ZNF407: variants seen among roughly 807,000 people sequenced by gnomAD.
ZNF407 encodes zinc finger protein 407.
Under a neutral mutation model 131.2 loss-of-function variants are expected in ZNF407, and 17 were observed. The ratio of observed to expected loss-of-function variants is 0.13; its 90% confidence interval spans 0.09 to 0.19. The LOEUF (loss-of-function observed/expected upper bound fraction) is 0.19. ZNF407 is among the 10% of genes least tolerant of loss of function. The pLI is 1.00. For missense variants in ZNF407, 2,681 were observed against 2,830.6 expected (o/e 0.95, Z 1.20); for synonymous variants, 1,156 against 1,062.0 (o/e 1.09, Z -1.72).
chr18:74,715,974 A>G (rs1430314262), intron 3 of ZNF407, among the ~76,000 whole-genome samples: 2 of 152,184 alleles, frequency 1.3e-5, no homozygotes, highest in South Asian at 4.1e-4. Context: ...ATTGCTGTCC[A>G]TTATTTCCCA....
At chr18:74,606,225 A>G (rs1318479765) in intron 1 of ZNF407, among the ~76,000 whole-genome samples, 1 of 152,110 alleles carries the variant, frequency 6.6e-6, no homozygotes, top group Non-Finnish European at 1.5e-5. Context: ...AAAATTTGGA[A>G]ATCTGCTATG....
At chr18:74,603,841 T>G (rs1331657706) in intron 1 of ZNF407, among the ~76,000 whole-genome samples, 1 of 152,228 alleles carries the variant, frequency 6.6e-6, no homozygotes, top group African/African-American at 2.4e-5. Context: ...CAGTGTTACC[T>G]CAACTATGTA....
intron 4 of ZNF407, among the ~76,000 whole-genome samples, chr18:74,832,385 G>C (rs1055375598): frequency 2.0e-5 from 3 of 152,078 alleles, no homozygotes; most frequent in Non-Finnish European, 4.4e-5. Context: ...GAAGCAACCT[G>C]AGAGTAACTA....
At chr18:74,764,160 A>T (rs913103128) in intron 3 of ZNF407, among the ~76,000 whole-genome samples, 1 of 151,266 alleles carries the variant, frequency 6.6e-6, no homozygotes, top group Non-Finnish European at 1.5e-5. Context: ...TACACTTGGA[A>T]TTTTTTTGCC....
chr18:75,012,266 GTGTA>G (rs879739712), intron 8 of ZNF407, among the ~76,000 whole-genome samples: 18,555 of 150,468 alleles, frequency 0.12, 2,000 homozygotes, highest in Admixed American at 0.22. Flanking sequence ...TATACACATA[GTGTA>G]TGTACACATA....
chr18:75,044,267 C>T (rs138999609), intron 8 of ZNF407, among the ~76,000 whole-genome samples: 57 of 151,848 alleles, frequency 3.8e-4, no homozygotes, highest in African/African-American at 1.3e-3. Context: ...TGAAAAAAAA[C>T]ACTATATTCA....
At position 75,049,347 on chromosome 18, in the gene ZNF407, G is replaced by T. The variant is rs561003515; in HGVS notation, c.5429-13803G>T. ...CAGCGCAGCCTCCTGCTCTGGCAGG[G>T]TTTCACTAACATAGCCTGGGATCAT... On this transcript the variant is annotated intron_variant, in intron 8 of 8. Coordinates refer to ENST00000299687, the MANE Select transcript of ZNF407 (RefSeq NM_017757.3). Among the ~76,000 whole-genome samples the T allele has an allele frequency of 3.3e-5, 5 of 152,246 alleles. No homozygotes were observed. The East Asian group carries it at 9.7e-4, about 29-fold the overall frequency.
rs1276122153 is a variant in ZNF407 at position 74,772,086 on chromosome 18, AC to A, written c.4803-9341del. 2.6e-5 allele frequency among the ~76,000 whole-genome samples: 4 copies of A among 152,282 alleles called. No individual in the cohort carries two copies. In the East Asian group the frequency reaches 7.7e-4, roughly 29 times the overall value. On this transcript the variant is annotated intron_variant, in intron 3 of 8. Transcript: ENST00000299687. ...ATAAAGGTCACCAGGCATGAATTCT[AC>A]TTTTGCATTTTCAGCTTCTTTGCCC...
intron 8 of ZNF407, among the ~76,000 whole-genome samples, chr18:75,015,179 T>G (rs1973028438): frequency 6.6e-6 from 1 of 152,114 alleles, no homozygotes; most frequent in South Asian, 2.1e-4. Flanking sequence ...AAGAATAGAC[T>G]TTTAAAGTAG....
At chr18:74,682,605 C>T (rs1967010225) in intron 3 of ZNF407, among the ~76,000 whole-genome samples, 1 of 152,164 alleles carries the variant, frequency 6.6e-6, no homozygotes, top group Non-Finnish European at 1.5e-5. Context: ...TCACAGCTTA[C>T]TGCAACTGAG....
Position 74,777,194 on chromosome 18 carries a change from T to C in ZNF407, c.4803-4234T>C, listed in dbSNP as rs543310708. The stretch of plus-strand genomic sequence containing the variant: ...TTATATGGTATGTAGTGTACAAGAA[T>C]TTATTTTGAAATATTGTTAAAATAA... On this transcript the variant is annotated intron_variant, in intron 3 of 8. Transcript: ENST00000299687. Among the ~76,000 whole-genome samples the C allele has an allele frequency of 2.1e-4, 32 of 152,316 alleles. 1 individual carries two copies. Among genetic ancestry groups the C allele is most frequent in the South Asian group, 1.0e-3 (5 of 4,832 alleles).
At chr18:74,758,703 G>T (rs1969021827) in intron 3 of ZNF407, among the ~76,000 whole-genome samples, 2 of 152,102 alleles carry the variant, frequency 1.3e-5, no homozygotes, top group African/African-American at 2.4e-5. Flanking sequence ...CGATTCTCCT[G>T]CCTCAGCCTT....
chr18:74,815,168 A>G (rs990464019), intron 4 of ZNF407, among the ~76,000 whole-genome samples: 15 of 152,138 alleles, frequency 9.9e-5, no homozygotes, highest in Admixed American at 8.5e-4. Flanking sequence ...AATTAGGGTT[A>G]TTAATTCTAT....
At chr18:74,637,767 G>A (rs1394893473) in intron 2 of ZNF407, among the ~76,000 whole-genome samples, 2 of 152,118 alleles carry the variant, frequency 1.3e-5, no homozygotes, top group Non-Finnish European at 2.9e-5. Flanking sequence ...CTGGAAAAGA[G>A]CTTACTCTTC....
At chr18:74,769,339 G>C (rs1599139148) in intron 3 of ZNF407, among the ~76,000 whole-genome samples, 1 of 151,954 alleles carries the variant, frequency 6.6e-6, no homozygotes, top group African/African-American at 2.4e-5. Context: ...TTAACAGAAG[G>C]CCCCACCAAT....
intron 8 of ZNF407, among the ~76,000 whole-genome samples, chr18:74,939,067 G>A (rs1972069911): frequency 6.6e-6 from 1 of 152,024 alleles, no homozygotes. Flanking sequence ...AGAAAGAGAG[G>A]GTAATAAAGT....
At chr18:75,000,660 A>G (rs565030980) in intron 8 of ZNF407, among the ~76,000 whole-genome samples, 6 of 151,964 alleles carry the variant, frequency 3.9e-5, no homozygotes, top group South Asian at 2.1e-4. Context: ...AGATGCATCT[A>G]TTTTTAATCT....
At chr18:74,871,836 T>C (rs1263199687) in intron 4 of ZNF407, among the ~76,000 whole-genome samples, 7 of 151,798 alleles carry the variant, frequency 4.6e-5, no homozygotes, top group Non-Finnish European at 8.8e-5. Flanking sequence ...TATTAACATA[T>C]AGTCATATTT....
rs900858123 is a variant in ZNF407 at position 74,633,777 on chromosome 18, A to T, written c.2758A>T (p.Ile920Phe). The change falls in exon 2 of 9, where the codon ATT becomes TTT. Residue 920 changes from isoleucine (I) to phenylalanine (F), a missense_variant. Physicochemically the swap from Ile to Phe is conservative, Grantham distance 21. This residue lies in a region of ZNF407 where 1,789 missense variants were observed against 1,748.7 expected (regional missense o/e 1.02). Coordinates refer to ENST00000299687, the MANE Select transcript of ZNF407 (RefSeq NM_017757.3). ...EASGKHSSDI[I>F]VGPEGGSLEA... ...AAGTGGAAAACACAGTTCAGATATC[A>T]TTGTTGGCCCTGAAGGGGGTAGCCT... 6.2e-7 allele frequency: 1 copy of T among 1,613,872 alleles called. No individual in the cohort carries two copies. The highest frequency in any genetic ancestry group is 8.5e-7 in the Non-Finnish European group (1 of 1,179,892).
Sources: allele counts gnomAD v4.1 joint callset (sites outside exome capture counted in the v4.1 genomes callset), GRCh38; gene constraint gnomAD v4.1.1; regional missense constraint gnomAD v4.1.1; transcripts MANE v1.5; gene names NCBI Gene and HGNC (gene_info 2026-07-23, HGNC 2026-07-21).